SIRT5: variants seen among roughly 807,000 people sequenced by gnomAD.
SIRT5 encodes the protein sirtuin 5.
Under a neutral mutation model 40.0 loss-of-function variants are expected in SIRT5, and 26 were observed. The ratio of observed to expected loss-of-function variants is 0.65; its 90% CI spans 0.48 to 0.90. The LOEUF (loss-of-function observed/expected upper bound fraction) is 0.90, where lower values mean the gene tolerates loss of function less well. Ranked by LOEUF, SIRT5 falls within the 40% of genes least tolerant of loss-of-function variation. SIRT5 has a pLI of 0.00. For synonymous variants in SIRT5, 146 were observed against 149.1 expected (o/e 0.98, Z 0.15); for missense variants, 401 against 402.4 (o/e 1.00, Z 0.03).
chr6:13,605,080 A>G (rs1762924055), intron 9 of SIRT5: 1 of 985,932 alleles, frequency 1.0e-6, no homozygotes, highest in South Asian at 4.7e-5. Context: ...ACCCTGGAGC[A>G]ATTGAGAGGA....
In SIRT5 at chr6:13,614,963, A is replaced by C; in HGVS notation, c.*3098A>C. The stretch of plus-strand genomic sequence containing the variant: ...TGACAAGCTGGATCCACTCGACGGA[A>C]CCCAGGGCCAAAAAACGGCGGCGAG... On this transcript the variant is annotated 3_prime_UTR_variant, in exon 10 of 10. Coordinates refer to ENST00000606117, the MANE Select transcript of SIRT5 (RefSeq NM_012241.5). The C allele has an allele frequency of 1.0e-5, 2 of 197,622 alleles. No homozygotes were observed. The highest frequency in any genetic ancestry group is 2.1e-5 in the Non-Finnish European group (2 of 97,426). The allele number at this position is 197,622 out of a possible 1,614,324, so 12.2% of individuals were successfully genotyped here.
chr6:13,584,656 TC>T (rs1759819295), intron 3 of SIRT5, among the ~76,000 whole-genome samples: 1 of 152,190 alleles, frequency 6.6e-6, no homozygotes, highest in Non-Finnish European at 1.5e-5. Context: ...CCTGTCCTCT[TC>T]TCTTTTAGGT....
chr6:13,583,286 G>GT (rs1759603806), intron 2 of SIRT5, among the ~76,000 whole-genome samples: 2 of 124,532 alleles, frequency 1.6e-5, no homozygotes, highest in African/African-American at 3.1e-5. Flanking sequence ...TTTCTTCTTT[G>GT]TTCTTTTTTT....
intron 8 of SIRT5, among the ~76,000 whole-genome samples, 179 bp from the exon 9 acceptor site, chr6:13,600,655 T>C (rs189450652): frequency 1.9e-4 from 29 of 152,364 alleles, no homozygotes; most frequent in Admixed American, 1.8e-3. Context: ...TAGTGATTGA[T>C]CAAAGGACAC....
At chr6:13,587,882 T>C (rs920928744) in intron 3 of SIRT5, among the ~76,000 whole-genome samples, 6 of 152,200 alleles carry the variant, frequency 3.9e-5, no homozygotes, top group African/African-American at 1.4e-4. Context: ...AAGGGTAGGC[T>C]TTGGGGTCCA....
At chr6:13,591,646 C>G (rs560188394) in intron 4 of SIRT5, 23 bp from the exon 5 acceptor site, 1 of 1,504,894 alleles carries the variant, frequency 6.6e-7, no homozygotes, top group African/African-American at 1.4e-5. Context: ...CTCCCTCACT[C>G]CTGCCTCCTC....
At chr6:13,597,554 A>AT (rs989335612) in intron 7 of SIRT5, among the ~76,000 whole-genome samples, 123 of 143,620 alleles carry the variant, frequency 8.6e-4, no homozygotes, top group Non-Finnish European at 1.3e-3. Flanking sequence ...ATTTTATTTT[A>AT]TTTTTTTTTG....
chr6:13,604,422 G>C, intron 9 of SIRT5: 1 of 1,069,936 alleles, frequency 9.3e-7, no homozygotes, highest in South Asian at 1.3e-5. Context: ...ACTTTGTGAA[G>C]CAGGACCTGA....
Position 13,600,948 on chromosome 6 carries a change from A to C in SIRT5, c.856A>C (p.Arg286=), listed in dbSNP as rs749407492. 1 of 1,611,758 alleles carries C rather than the reference A, an allele frequency of 6.2e-7. No individual in the cohort carries two copies. Among genetic ancestry groups the C allele is most frequent in the South Asian group, 1.1e-5 (1 of 90,962 alleles). Residue 286 remains arginine, a splice_region_variant and synonymous_variant, in exon 9 of 10, where the codon AGG becomes CGG. Transcript: ENST00000606117. ...TETTPATNRF[R]FHFQGPCGTT... is the part of the protein sequence containing the mutation. ...GACCACCCCAGCTACGAACAGATTC[A>C]GGTACTGGGATACCCTGATGGGAGA...
chr6:13,605,336 G>C (rs1237924261), intron 9 of SIRT5: 1 of 937,868 alleles, frequency 1.1e-6, no homozygotes, highest in African/African-American at 1.8e-5. Flanking sequence ...TGGCTGGTCT[G>C]CAAAGCCTAA....
Position 13,580,296 on chromosome 6 carries a change from C to A in SIRT5, c.-36+687C>A, listed in dbSNP as rs28457854. 8.9e-3 allele frequency among the ~76,000 whole-genome samples: 1,353 copies of A among 152,202 alleles called. 15 individuals are homozygous for A. The highest frequency in any genetic ancestry group is 0.031 in the African/African-American group (1,294 of 41,520). ...GATACATTGAAAACGTGTTGACTTG[C>A]TTGCTTATTTGTAGGTGAGGTTTAT... is the stretch of plus-strand genomic sequence containing the variant. On this transcript the variant is annotated intron_variant, in intron 2 of 9. Coordinates refer to ENST00000606117, the MANE Select transcript of SIRT5 (RefSeq NM_012241.5).
rs958291446 is a variant in SIRT5 at position 13,614,760 on chromosome 6, C to T, written c.*2895C>T. ...GCTGCGGCCGCGGAGCTGGGAAGGC[C>T]GAGGGCGCCGGGCACGTCTGTGCAG... On this transcript the variant is annotated 3_prime_UTR_variant, in exon 10 of 10. Transcript: ENST00000606117. 6.6e-6 allele frequency: 1 copy of T among 152,254 alleles called. No individual in the cohort carries two copies. Among genetic ancestry groups the T allele is most frequent in the African/African-American group, 2.4e-5 (1 of 41,454 alleles). The allele number at this position is 152,254 out of a possible 1,614,324, so 9.4% of individuals were successfully genotyped here.
chr6:13,604,963 C>G, intron 9 of SIRT5: 1 of 989,020 alleles, frequency 1.0e-6, no homozygotes, highest in Non-Finnish European at 1.2e-6. Flanking sequence ...AGTAACTGAT[C>G]AATGAAGCCA....
Position 13,579,628 on chromosome 6 carries a change from A to G in SIRT5, c.-36+19A>G, listed in dbSNP as rs1010871818. The G allele has an allele frequency of 2.6e-5, 4 of 152,254 alleles. No individual in the cohort carries two copies. Among genetic ancestry groups the G allele is most frequent in the Non-Finnish European group, 4.4e-5 (3 of 68,046 alleles). The allele number at this position is 152,254 out of a possible 1,614,324, so 9.4% of individuals were successfully genotyped here. On this transcript the variant is annotated intron_variant, in intron 2 of 9. Transcript: ENST00000606117. ...ACTAAAGGTATGTATTAAGCTCAAG[A>G]TGATAGCCTAAGTAACTTCATGCAG...
chr6:13,605,752 G>T (rs936005213), intron 9 of SIRT5: 1 of 985,242 alleles, frequency 1.0e-6, no homozygotes, highest in Non-Finnish European at 1.2e-6. Flanking sequence ...TCAGTGTTTT[G>T]ACTGTTACTC....
chr6:13,593,984 T>G (rs1015669148), intron 5 of SIRT5, among the ~76,000 whole-genome samples: 1 of 152,184 alleles, frequency 6.6e-6, no homozygotes, highest in Admixed American at 6.5e-5. Context: ...CCCTCTGTTA[T>G]AGCTGGGATT....
chr6:13,603,977 G>A (rs1192465751), intron 9 of SIRT5, among the ~76,000 whole-genome samples: 1 of 152,186 alleles, frequency 6.6e-6, no homozygotes, highest in Non-Finnish European at 1.5e-5. Flanking sequence ...TCATTTATAC[G>A]AAATATCTAG....
intron 4 of SIRT5, 152 bp downstream of exon 4, chr6:13,588,616 A>G (rs1760398333): frequency 2.9e-6 from 3 of 1,036,086 alleles, no homozygotes; most frequent in South Asian, 2.0e-5. Context: ...CATAAACACA[A>G]AGTTTCTATG....
intron 4 of SIRT5, among the ~76,000 whole-genome samples, chr6:13,590,799 TTG>T (rs147312508): frequency 0.015 from 2,258 of 151,264 alleles, 26 homozygotes; most frequent in Non-Finnish European, 0.02. Context: ...GTGTATGTAG[TTG>T]TGTGTGTGTG....
Sources: allele counts gnomAD v4.1 joint callset (sites outside exome capture counted in the v4.1 genomes callset), GRCh38; gene constraint gnomAD v4.1.1; transcripts MANE v1.5; gene names NCBI Gene and HGNC (gene_info 2026-07-23, HGNC 2026-07-21).